FNDC3B: variants seen among roughly 807,000 people sequenced by gnomAD.
The protein encoded by FNDC3B is fibronectin type III domain-containing protein 3B.
A neutral mutation model predicts 151.5 loss-of-function variants in FNDC3B; 12 were observed. The observed-to-expected ratio is 0.08, with a 90% CI of 0.05 to 0.13. The LOEUF is 0.13. Ranked by LOEUF, FNDC3B falls within the 10% of genes least tolerant of loss-of-function variation. The pLI, the probability that FNDC3B is intolerant of heterozygous loss-of-function variation, is 1.00. For synonymous variants in FNDC3B, 528 were observed against 549.0 expected (o/e 0.96, Z 0.54); for missense variants, 1,214 against 1,505.3 (o/e 0.81, Z 3.20).
At chr3:172,332,559 A>G (rs186594893) in intron 13 of FNDC3B, among the ~76,000 whole-genome samples, 23 of 152,330 alleles carry the variant, frequency 1.5e-4, no homozygotes, top group Admixed American at 9.8e-4. Flanking sequence ...GGTACTAAGT[A>G]GTATTTTGAT....
intron 1 of FNDC3B, among the ~76,000 whole-genome samples, chr3:172,071,203 T>A (rs1412870173): frequency 1.3e-5 from 2 of 152,172 alleles, no homozygotes; most frequent in Admixed American, 1.3e-4. Flanking sequence ...GTTTTATGTG[T>A]TTTCAGTCAT....
At position 172,330,322 on chromosome 3, in the gene FNDC3B, C is replaced by T. The variant is rs1576917444; in HGVS notation, c.1380-219C>T. ...TACAGAAGGCCAACTGTATATTGTC[C>T]TGTGACTTGGTGTGTGTGTCTAGTA... is the stretch of plus-strand genomic sequence containing the variant. On this transcript the variant is annotated intron_variant, in intron 12 of 25. Coordinates refer to ENST00000415807, the MANE Select transcript of FNDC3B (RefSeq NM_022763.4). 5 of 462,030 alleles carry T rather than the reference C, an allele frequency of 1.1e-5. No individual in the cohort carries two copies. The East Asian group carries it at 1.8e-4, about 16-fold the overall frequency. 28.6% of individuals were successfully genotyped at this position (462,030 alleles called of 1,614,324 possible).
intron 3 of FNDC3B, among the ~76,000 whole-genome samples, chr3:172,222,123 G>GA (rs1055465146): frequency 6.6e-6 from 1 of 152,004 alleles, no homozygotes; most frequent in African/African-American, 2.4e-5. Flanking sequence ...AATCAATTAG[G>GA]AAAAAATGTG....
At chr3:172,339,788 GTGAT>G (rs1409229239) in intron 16 of FNDC3B, among the ~76,000 whole-genome samples, 1 of 152,188 alleles carries the variant, frequency 6.6e-6, no homozygotes, top group East Asian at 1.9e-4. Context: ...GGCTGAGTGA[GTGAT>G]TGAATCTTTT....
At chr3:172,149,811 T>A (rs1294161723) in intron 3 of FNDC3B, among the ~76,000 whole-genome samples, 1 of 53,460 alleles carries the variant, frequency 1.9e-5, no homozygotes, top group Non-Finnish European at 4.2e-5. Context: ...TGGGTGTTTT[T>A]TTTTTTTTTT....
intron 1 of FNDC3B, among the ~76,000 whole-genome samples, chr3:172,044,283 C>T (rs867215052): frequency 0.047 from 5,212 of 110,036 alleles, 221 homozygotes; most frequent in African/African-American, 0.14. Context: ...AATTCCAACT[C>T]TTTTTTTTTT....
intron 3 of FNDC3B, among the ~76,000 whole-genome samples, chr3:172,140,916 G>A (rs760792920): frequency 6.6e-6 from 1 of 152,174 alleles, no homozygotes; most frequent in African/African-American, 2.4e-5. Context: ...GTCACCCAAT[G>A]TTGTGTCATC....
chr3:172,050,363 A>G (rs963882804), intron 1 of FNDC3B, among the ~76,000 whole-genome samples: 1 of 151,844 alleles, frequency 6.6e-6, no homozygotes, highest in Non-Finnish European at 1.5e-5. Flanking sequence ...AGTAATGTGT[A>G]CATGTACTCT....
At chr3:172,203,996 G>A (rs1384264807) in intron 3 of FNDC3B, among the ~76,000 whole-genome samples, 8 of 152,184 alleles carry the variant, frequency 5.3e-5, no homozygotes, top group Non-Finnish European at 8.8e-5. Flanking sequence ...AAGAAGGGCC[G>A]CCAGCGTCTC....
At chr3:172,139,005 C>T (rs1721495595) in intron 3 of FNDC3B, among the ~76,000 whole-genome samples, 1 of 152,240 alleles carries the variant, frequency 6.6e-6, no homozygotes, top group Non-Finnish European at 1.5e-5. Flanking sequence ...ACATCATGCT[C>T]TGCCCAGTGG....
At chr3:172,366,637 A>G (rs1037630462) in intron 23 of FNDC3B, among the ~76,000 whole-genome samples, 1 of 152,242 alleles carries the variant, frequency 6.6e-6, no homozygotes, top group African/African-American at 2.4e-5. Context: ...TAATGGTAGA[A>G]CACAGATGCT....
intron 1 of FNDC3B, among the ~76,000 whole-genome samples, chr3:172,055,831 AGTGCAGTGGTGCGAT>A (rs1163329858): frequency 1.3e-5 from 2 of 151,386 alleles, no homozygotes; most frequent in East Asian, 1.9e-4. Flanking sequence ...CCCAGGCTGG[AGTGCAGTGGTGCGAT>A]CTCGGCTCAC....
chr3:172,054,551 A>C (rs1576821539), intron 1 of FNDC3B, among the ~76,000 whole-genome samples: 3 of 152,218 alleles, frequency 2.0e-5, no homozygotes, highest in Admixed American at 6.5e-5. Flanking sequence ...TGTATTGCCT[A>C]AAAACCGTTT....
At chr3:172,279,890 A>G (rs1729616116) in intron 6 of FNDC3B, among the ~76,000 whole-genome samples, 1 of 151,526 alleles carries the variant, frequency 6.6e-6, no homozygotes, top group Non-Finnish European at 1.5e-5. Flanking sequence ...AAGCAATTCA[A>G]CACATATTCG....
intron 25 of FNDC3B, among the ~76,000 whole-genome samples, chr3:172,385,619 C>T (rs554197458): frequency 8.6e-5 from 13 of 150,432 alleles, no homozygotes; most frequent in South Asian, 2.1e-4. Flanking sequence ...AGCACAGTGG[C>T]GTGATCTCGG....
intron 16 of FNDC3B, among the ~76,000 whole-genome samples, chr3:172,340,886 TGTG>T (rs1303787566): frequency 6.6e-6 from 1 of 152,206 alleles, no homozygotes; most frequent in Non-Finnish European, 1.5e-5. Flanking sequence ...CAAATGTAAT[TGTG>T]GTGATAATAG....
At position 172,127,668 on chromosome 3, in the gene FNDC3B, A is replaced by T. The variant is rs957801983; in HGVS notation, c.112-5803A>T. 3.9e-5 allele frequency among the ~76,000 whole-genome samples: 6 copies of T among 152,164 alleles called. No homozygotes were observed. The East Asian group carries it at 1.2e-3, about 29-fold the overall frequency. ...AGCTTTTTTTTAAACAAAGAACAGCACATTTTTATTTTTAAGTTTTATTTA... is the reference window on the plus strand; with the variant it reads ...AGCTTTTTTTTAAACAAAGAACAGCTCATTTTTATTTTTAAGTTTTATTTA... On this transcript the variant is annotated intron_variant, in intron 2 of 25. Transcript: ENST00000415807.
chr3:172,174,923 T>C (rs6804983), intron 3 of FNDC3B, among the ~76,000 whole-genome samples: 434 of 25,508 alleles, frequency 0.017, 15 homozygotes, highest in African/African-American at 0.049. Flanking sequence ...TTGGAGACCT[T>C]CCCCCCGCCA....
intron 3 of FNDC3B, among the ~76,000 whole-genome samples, chr3:172,145,439 G>A (rs1401984332): frequency 2.0e-5 from 3 of 152,324 alleles, no homozygotes; most frequent in African/African-American, 4.8e-5. Context: ...TCTCATTAAA[G>A]TGGGTATACG....
Sources: gnomAD v4.1 joint callset for allele counts (sites outside exome capture counted in the v4.1 genomes callset) on GRCh38, gnomAD v4.1.1 for gene constraint, MANE v1.5 for transcripts, NCBI Gene and HGNC (gene_info 2026-07-23, HGNC 2026-07-21) for gene names.